FBXW8: variants seen among roughly 807,000 people sequenced by gnomAD.
FBXW8 encodes F-box/WD repeat-containing protein 8.
Under a neutral mutation model 65.3 loss-of-function variants are expected in FBXW8, and 57 were observed. That is an observed-to-expected ratio of 0.87 (90% CI 0.71 to 1.09). The LOEUF is 1.09. Ranked by LOEUF, FBXW8 falls within the 50% of genes least tolerant of loss-of-function variation. The pLI, the probability that FBXW8 is intolerant of heterozygous loss-of-function variation, is 0.00. For synonymous variants in FBXW8, 308 were observed against 330.2 expected (o/e 0.93, Z 0.73); for missense variants, 777 against 814.8 (o/e 0.95, Z 0.57).
At chr12:117,011,517 T>G (rs376796829) in intron 8 of FBXW8, among the ~76,000 whole-genome samples, 20 of 152,306 alleles carry the variant, frequency 1.3e-4, no homozygotes, top group African/African-American at 4.1e-4. Flanking sequence ...AGTGTGTGTG[T>G]GGGGCACGCA....
chr12:116,980,402 C>A (rs1286508852), intron 5 of FBXW8: 15 of 152,216 alleles, frequency 9.9e-5, no homozygotes, highest in Admixed American at 9.8e-4. Flanking sequence ...CTGTTTCTTA[C>A]AACCAAATGT....
At chr12:116,953,603 C>T (rs926224235) in intron 4 of FBXW8, among the ~76,000 whole-genome samples, 4 of 151,104 alleles carry the variant, frequency 2.6e-5, no homozygotes, top group African/African-American at 9.7e-5. Context: ...AACCCTGTCT[C>T]CACTAAAAAA....
At chr12:116,923,286 TTA>T (rs1245413938) in intron 1 of FBXW8, among the ~76,000 whole-genome samples, 2 of 151,620 alleles carry the variant, frequency 1.3e-5, no homozygotes, top group Non-Finnish European at 1.5e-5. Flanking sequence ...ATTTTTTTTT[TTA>T]AATTCCACAG....
intron 8 of FBXW8, among the ~76,000 whole-genome samples, chr12:117,012,958 T>G (rs7980910): frequency 6.6e-6 from 1 of 151,642 alleles, no homozygotes; most frequent in Middle Eastern, 3.2e-3. Flanking sequence ...TTTGGGGGTG[T>G]GGGGGGACAG....
chr12:116,913,447 G>A (rs771607406), intron 1 of FBXW8, among the ~76,000 whole-genome samples: 6 of 152,184 alleles, frequency 3.9e-5, no homozygotes, highest in Non-Finnish European at 7.3e-5. Context: ...AGATAAGTCA[G>A]TTAACACATA....
chr12:116,929,864 C>T (rs188555374), intron 2 of FBXW8, among the ~76,000 whole-genome samples: 42 of 152,266 alleles, frequency 2.8e-4, no homozygotes, highest in African/African-American at 6.5e-4. Flanking sequence ...CACTGGTAAC[C>T]GCCATTCTAC....
At chr12:116,916,244 TA>T (rs1414199326) in intron 1 of FBXW8, among the ~76,000 whole-genome samples, 24 of 152,232 alleles carry the variant, frequency 1.6e-4, no homozygotes, top group Admixed American at 3.9e-4. Context: ...TGGTGAGTCA[TA>T]AGGTATGCAT....
At chr12:116,998,566 T>C (rs1191472004) in intron 7 of FBXW8, among the ~76,000 whole-genome samples, 1 of 152,228 alleles carries the variant, frequency 6.6e-6, no homozygotes, top group Non-Finnish European at 1.5e-5. Flanking sequence ...GCTAACTCCA[T>C]TTATTTCACC....
At chr12:116,916,318 A>T (rs749008992) in intron 1 of FBXW8, among the ~76,000 whole-genome samples, 5 of 152,110 alleles carry the variant, frequency 3.3e-5, no homozygotes, top group Non-Finnish European at 5.9e-5. Context: ...CTCACTTTTG[A>T]TAGTAACTTG....
intron 5 of FBXW8, among the ~76,000 whole-genome samples, chr12:116,973,224 G>A (rs1565920858): frequency 1.3e-5 from 2 of 152,158 alleles, no homozygotes; most frequent in South Asian, 2.1e-4. Flanking sequence ...ATAGTAGAAT[G>A]TCAACTAATA....
intron 8 of FBXW8, among the ~76,000 whole-genome samples, chr12:117,011,266 G>T (rs996727842): frequency 1.3e-5 from 2 of 152,000 alleles, no homozygotes; most frequent in Non-Finnish European, 2.9e-5. Context: ...GCTGCTCGGA[G>T]GCGGGTGTCA....
chr12:116,918,860 A>G (rs542735845), intron 1 of FBXW8, among the ~76,000 whole-genome samples: 1 of 152,306 alleles, frequency 6.6e-6, no homozygotes, highest in South Asian at 2.1e-4. Context: ...GTGACGCAGC[A>G]CTAACTGAGA....
At chr12:116,967,870 G>A (rs893157637) in intron 5 of FBXW8, among the ~76,000 whole-genome samples, 4 of 152,106 alleles carry the variant, frequency 2.6e-5, no homozygotes, top group East Asian at 3.9e-4. Flanking sequence ...GGGGTCAGGC[G>A]ATTCTCCTGC....
intron 4 of FBXW8, 198 bp downstream of exon 4, chr12:116,949,904 T>TG (rs1883170120): frequency 1.7e-6 from 1 of 600,392 alleles, no homozygotes; most frequent in Admixed American, 2.6e-5. Flanking sequence ...GAGAAGCACA[T>TG]GGTGTAGAGC....
intron 8 of FBXW8, 111 bp from the exon 9 acceptor site, chr12:117,024,036 G>A: frequency 8.7e-7 from 1 of 1,151,772 alleles, no homozygotes; most frequent in South Asian, 1.6e-5. Context: ...CAGCTGAGGA[G>A]TTTTTCATAG....
chr12:116,988,097 T>A (rs1953140549), intron 6 of FBXW8, among the ~76,000 whole-genome samples: 1 of 152,346 alleles, frequency 6.6e-6, no homozygotes, highest in South Asian at 2.1e-4. Context: ...ATTAGTCCCT[T>A]AGTAATGGGT....
intron 4 of FBXW8, among the ~76,000 whole-genome samples, chr12:116,959,986 CTAAT>C (rs1239983098): frequency 6.6e-6 from 1 of 152,162 alleles, no homozygotes; most frequent in African/African-American, 2.4e-5. Context: ...TGCACAGACG[CTAAT>C]TAGAGAGCCA....
chr12:117,000,415 G>C (rs1953486895), intron 7 of FBXW8, among the ~76,000 whole-genome samples: 1 of 152,264 alleles, frequency 6.6e-6, no homozygotes, highest in East Asian at 1.9e-4. Flanking sequence ...TAGCCTGAAA[G>C]GCAGTATAGG....
intron 4 of FBXW8, among the ~76,000 whole-genome samples, chr12:116,956,907 G>T (rs1297507668): frequency 6.6e-6 from 1 of 152,324 alleles, no homozygotes; most frequent in East Asian, 1.9e-4. Context: ...GGTGGAGGTT[G>T]CAGTGAGCCG....
Sources: allele counts gnomAD v4.1 joint callset (sites outside exome capture counted in the v4.1 genomes callset), GRCh38; gene constraint gnomAD v4.1.1; transcripts MANE v1.5; gene names NCBI Gene and HGNC (gene_info 2026-07-23, HGNC 2026-07-21).